Variants in IQCM observed in about 807,000 individuals in gnomAD.
IQCM encodes the protein IQ motif containing M.
IQCM carries 45 observed loss-of-function variants against 57.6 expected under a neutral mutation model. The ratio of observed to expected loss-of-function variants is 0.78; its 90% CI spans 0.62 to 1.00. The LOEUF (loss-of-function observed/expected upper bound fraction) is 1.00, where lower values mean the gene tolerates loss of function less well. Ranked by LOEUF, IQCM falls within the 50% of genes least tolerant of loss-of-function variation. The pLI, the probability that IQCM is intolerant of heterozygous loss-of-function variation, is 0.00. For missense variants in IQCM, 468 were observed against 511.6 expected (o/e 0.91, Z 0.82); for synonymous variants, 148 against 158.9 (o/e 0.93, Z 0.51).
intron 5 of IQCM, among the ~76,000 whole-genome samples, chr4:149,703,790 G>A (rs2149816740): frequency 6.6e-6 from 1 of 151,958 alleles, no homozygotes; most frequent in East Asian, 1.9e-4. Flanking sequence ...CTACTAAAGG[G>A]ATAAATGAAC....
chr4:149,739,829 T>A lies in IQCM; in HGVS notation c.37+2826A>T, dbSNP rs553351620. ...CCTAAAACATTTTCACACATTTATC[T>A]TTTAAAAAAAAACCTCATTTTTCAT... is the stretch of plus-strand genomic sequence containing the variant. On this transcript the variant is annotated intron_variant, in intron 3 of 13. Coordinates refer to ENST00000636793, the MANE Select transcript of IQCM (RefSeq NM_001363507.2). Among the ~76,000 whole-genome samples the A allele has an allele frequency of 1.5e-4, 23 of 152,252 alleles. 2 individuals carry two copies. The highest frequency in any genetic ancestry group is 5.5e-4 in the African/African-American group (23 of 41,562).
chr4:149,460,393 C>T (rs1738147611), intron 12 of IQCM, among the ~76,000 whole-genome samples: 1 of 151,890 alleles, frequency 6.6e-6, no homozygotes, highest in Non-Finnish European at 1.5e-5. Context: ...TAGTGTCTAC[C>T]CATTAAAAAA....
At chr4:149,729,561 G>A (rs948605893) in intron 5 of IQCM, among the ~76,000 whole-genome samples, 11 of 151,750 alleles carry the variant, frequency 7.2e-5, no homozygotes, top group Admixed American at 3.9e-4. Context: ...TGCAACCTCC[G>A]CTTCCCAGGT....
At chr4:149,639,605 T>C (rs576200741) in intron 7 of IQCM, among the ~76,000 whole-genome samples, 1 of 152,122 alleles carries the variant, frequency 6.6e-6, no homozygotes, top group East Asian at 1.9e-4. Context: ...CCAAGTATTT[T>C]AAAGATACTT....
At chr4:149,623,504 A>T (rs1056761363) in intron 7 of IQCM, among the ~76,000 whole-genome samples, 3 of 152,208 alleles carry the variant, frequency 2.0e-5, no homozygotes, top group African/African-American at 7.2e-5. Context: ...AATCATTCAC[A>T]TACTGATGTA....
chr4:149,442,349 T>C (rs1423903272), intron 12 of IQCM, among the ~76,000 whole-genome samples: 1 of 152,072 alleles, frequency 6.6e-6, no homozygotes, highest in African/African-American at 2.4e-5. Context: ...TGGTTCCTTT[T>C]TGTGCAACAG....
chr4:149,423,031 T>C (rs564013850), intron 13 of IQCM, among the ~76,000 whole-genome samples: 13 of 152,192 alleles, frequency 8.5e-5, no homozygotes, highest in Non-Finnish European at 1.5e-4. Flanking sequence ...TTAATCCTAG[T>C]AAACAAATGC....
intron 7 of IQCM, among the ~76,000 whole-genome samples, chr4:149,623,071 A>C (rs1204393424): frequency 6.6e-6 from 1 of 152,190 alleles, no homozygotes; most frequent in African/African-American, 2.4e-5. Context: ...TGAGATGATA[A>C]ATATATTAAC....
chr4:149,465,139 G>C (rs1310911989), intron 12 of IQCM, among the ~76,000 whole-genome samples: 2 of 152,140 alleles, frequency 1.3e-5, no homozygotes, highest in Non-Finnish European at 2.9e-5. Context: ...ATGATATTTA[G>C]ATGCTAGTTT....
chr4:149,422,876 T>C (rs940501961), intron 13 of IQCM, among the ~76,000 whole-genome samples: 6 of 152,040 alleles, frequency 3.9e-5, no homozygotes, highest in African/African-American at 1.4e-4. Flanking sequence ...TGGAAGAAAC[T>C]ATGACAAAAT....
intron 12 of IQCM, among the ~76,000 whole-genome samples, chr4:149,471,656 G>C (rs907468342): frequency 6.6e-6 from 1 of 152,080 alleles, no homozygotes; most frequent in African/African-American, 2.4e-5. Context: ...AAGCCTGGCA[G>C]AGACACAACA....
At chr4:149,355,633 T>C (rs957738309) in intron 13 of IQCM, among the ~76,000 whole-genome samples, 3 of 152,148 alleles carry the variant, frequency 2.0e-5, no homozygotes, top group Admixed American at 6.5e-5. Context: ...TTTCTTAATC[T>C]AGTCTATCAT....
chr4:149,435,945 G>A lies in IQCM; in HGVS notation c.1229-2388C>T, dbSNP rs1412090398. Among the ~76,000 whole-genome samples the A allele has an allele frequency of 4.6e-5, 7 of 152,164 alleles. No homozygotes were observed. The East Asian group carries it at 1.4e-3, about 29-fold the overall frequency. On this transcript the variant is annotated intron_variant, in intron 12 of 13. Transcript: ENST00000636793. ...CAAAAAGTTACAAAGAAATTTAAAA[G>A]TTTATAAGGTAAAATATAATAAGCT...
At chr4:149,538,430 G>C (rs1560965381) in intron 12 of IQCM, among the ~76,000 whole-genome samples, 1 of 151,620 alleles carries the variant, frequency 6.6e-6, no homozygotes, top group Non-Finnish European at 1.5e-5. Context: ...TACACTAAAA[G>C]TATACATACA....
intron 12 of IQCM, among the ~76,000 whole-genome samples, chr4:149,515,275 C>A (rs569925650): frequency 6.6e-6 from 1 of 152,034 alleles, no homozygotes. Context: ...AGTCACCATG[C>A]GACCTGAATT....
intron 7 of IQCM, among the ~76,000 whole-genome samples, chr4:149,632,853 G>C (rs1757386920): frequency 1.3e-5 from 2 of 152,172 alleles, no homozygotes; most frequent in Admixed American, 1.3e-4. Context: ...TAAAGCTAAA[G>C]TAAAAGATAA....
chr4:149,513,739 G>T (rs1744659474), intron 12 of IQCM, among the ~76,000 whole-genome samples: 1 of 152,142 alleles, frequency 6.6e-6, no homozygotes, highest in Admixed American at 6.5e-5. Flanking sequence ...TGAGAACTAG[G>T]TTGAAGTATA....
chr4:149,587,380 C>T (rs1049419467), intron 9 of IQCM, among the ~76,000 whole-genome samples: 2 of 151,562 alleles, frequency 1.3e-5, no homozygotes, highest in Non-Finnish European at 3.0e-5. Context: ...TAAAATCTGC[C>T]CTTTTCGAAA....
chr4:149,370,473 C>T (rs184835417), intron 13 of IQCM, among the ~76,000 whole-genome samples: 47 of 151,994 alleles, frequency 3.1e-4, no homozygotes, highest in Middle Eastern at 6.8e-3. Flanking sequence ...TGTCCTCCTC[C>T]GCCCAGAGGA....
Sources: allele counts gnomAD v4.1 joint callset (sites outside exome capture counted in the v4.1 genomes callset), GRCh38; gene constraint gnomAD v4.1.1; transcripts MANE v1.5; gene names NCBI Gene and HGNC (gene_info 2026-07-23, HGNC 2026-07-21).